The following TSGA10 variants were observed in gnomAD, a reference collection of about 807,000 sequenced individuals.
TSGA10 encodes the protein testis specific 10, also known as testis-specific gene 10 protein.
In TSGA10, 43 loss-of-function variants were observed where a neutral mutation model predicts 96.6. The observed-to-expected ratio is 0.44, with a 90% confidence interval of 0.35 to 0.57. The LOEUF is 0.57. TSGA10 is among the 20% of genes least tolerant of loss of function. The pLI, the probability that TSGA10 is intolerant of heterozygous loss-of-function variation, is 0.01. For missense variants in TSGA10, 703 were observed against 834.4 expected (o/e 0.84, Z 1.94); for synonymous variants, 229 against 269.9 (o/e 0.85, Z 1.48).
Position 99,154,850 on chromosome 2 carries a change from G to T in TSGA10, c.-778C>A. On this transcript the variant is annotated 5_prime_UTR_variant, in exon 1 of 21. Coordinates refer to ENST00000393483, the MANE Select transcript of TSGA10 (RefSeq NM_025244.4). The stretch of plus-strand genomic sequence containing the variant: ...AAGGACCCTTACTTAGCACTCCTGC[G>T]GGCTGCCGGGACCCCACGGCTCCGC... 1 of 347,762 alleles carries T rather than the reference G, an allele frequency of 2.9e-6. No homozygotes were observed. Among genetic ancestry groups the T allele is most frequent in the Admixed American group, 3.9e-5 (1 of 25,384 alleles). 21.5% of individuals were successfully genotyped at this position (347,762 alleles called of 1,614,324 possible). A position where few individuals can be genotyped will look rare whatever the true frequency, so the allele number is the denominator to read the frequency against.
At chr2:99,096,073 T>G (rs2089999990) in intron 10 of TSGA10, among the ~76,000 whole-genome samples, 1 of 152,232 alleles carries the variant, frequency 6.6e-6, no homozygotes, top group Non-Finnish European at 1.5e-5. Flanking sequence ...AATTTTTCCA[T>G]AATTTTTAAA....
intron 16 of TSGA10, among the ~76,000 whole-genome samples, chr2:99,044,360 A>G (rs1350090144): frequency 6.6e-6 from 1 of 151,684 alleles, no homozygotes; most frequent in Non-Finnish European, 1.5e-5. Flanking sequence ...GCAAAAAAAA[A>G]AAAAAAAATC....
chr2:98,998,299 G>A lies in TSGA10; in HGVS notation c.2073-78C>T, dbSNP rs1437718179. 1.2e-5 allele frequency: 14 copies of A among 1,174,030 alleles called. No homozygotes were observed. The African/African-American group carries it at 1.7e-4, about 14-fold the overall frequency. 72.7% of individuals were successfully genotyped at this position (1,174,030 alleles called of 1,614,324 possible). A position where few individuals can be genotyped will look rare whatever the true frequency, so the allele number is the denominator to read the frequency against. Reference sequence around the variant, plus strand: ...ATGTGTAACAAATTTATTCTAGTAAGTGTATCACTTCAGCAAAACGTAAGA... The same window carrying A: ...ATGTGTAACAAATTTATTCTAGTAAATGTATCACTTCAGCAAAACGTAAGA... On this transcript the variant is annotated intron_variant, in intron 20 of 20. Transcript: ENST00000393483.
At position 99,020,392 on chromosome 2, in the gene TSGA10, C is replaced by T. The variant is rs774127920; in HGVS notation, c.1705G>A (p.Ala569Thr). 6.2e-7 allele frequency: 1 copy of T among 1,613,892 alleles called. No homozygotes were observed. The highest frequency in any genetic ancestry group is 8.5e-7 in the Non-Finnish European group (1 of 1,179,868). The stretch of plus-strand genomic sequence containing the variant: ...TTGTCTCGATTGGCCACCAGCAAAG[C>T]TTCTAGATTCTGCATGGAGATTCTC... ...NERISMQNLE[A>T]LLVANRDKEY... is the part of the protein sequence containing the mutation. Residue 569 changes from alanine (A) to threonine (T), a missense_variant, in exon 18 of 21, where the codon GCT becomes ACT. By Grantham distance (58) the Ala-to-Thr change is moderately conservative. Coordinates refer to ENST00000393483, the MANE Select transcript of TSGA10 (RefSeq NM_025244.4).
At chr2:99,015,390 C>A (rs1361506055) in intron 20 of TSGA10, among the ~76,000 whole-genome samples, 1 of 152,108 alleles carries the variant, frequency 6.6e-6, no homozygotes, top group Non-Finnish European at 1.5e-5. Flanking sequence ...AAACAAAAAT[C>A]ATGTGATCAT....
At chr2:99,024,701 A>G (rs2080399131) in intron 17 of TSGA10, among the ~76,000 whole-genome samples, 1 of 152,196 alleles carries the variant, frequency 6.6e-6, no homozygotes, top group African/African-American at 2.4e-5. Flanking sequence ...AGAAAAGGCA[A>G]GGTGGGCATT....
intron 1 of TSGA10, chr2:99,147,364 T>A: frequency 9.1e-7 from 1 of 1,095,546 alleles, no homozygotes; most frequent in South Asian, 1.4e-5. Context: ...GATTGATTTA[T>A]CTCTTTATGT....
At chr2:99,030,007 T>C (rs143237017) in intron 17 of TSGA10, among the ~76,000 whole-genome samples, 1 of 152,318 alleles carries the variant, frequency 6.6e-6, no homozygotes, top group East Asian at 1.9e-4. Flanking sequence ...CTAGAACTAG[T>C]AAGTGGATTT....
chr2:99,089,503 C>A (rs1309787465), intron 10 of TSGA10, among the ~76,000 whole-genome samples: 1 of 152,142 alleles, frequency 6.6e-6, no homozygotes, highest in Admixed American at 6.5e-5. Context: ...AGGCTGGTAG[C>A]CTGGGGCAAG....
chr2:98,999,387 G>A (rs1453562), intron 20 of TSGA10, among the ~76,000 whole-genome samples: 53,287 of 151,948 alleles, frequency 0.35, 10,680 homozygotes, highest in African/African-American at 0.55. Context: ...GACAACCTGG[G>A]AAAGGCAAAA....
intron 1 of TSGA10, among the ~76,000 whole-genome samples, chr2:99,146,025 GT>G (rs1387428517): frequency 6.6e-6 from 1 of 152,136 alleles, no homozygotes; most frequent in Non-Finnish European, 1.5e-5. Context: ...GGCTCATGCT[GT>G]AATCCAAGCA....
In TSGA10 at chr2:99,149,788, T is replaced by C. The variant is rs757743496; in HGVS notation, c.-621+4905A>G. Reference sequence around the variant, plus strand: ...AGACATCCTTAATCACAAGTATCTTTTTTTTTTTTTTTTTTTTTTTTAAGA... The same window carrying C: ...AGACATCCTTAATCACAAGTATCTTCTTTTTTTTTTTTTTTTTTTTTAAGA... On this transcript the variant is annotated intron_variant, in intron 1 of 20. Transcript: ENST00000393483. 1.7e-3 allele frequency among the ~76,000 whole-genome samples: 217 copies of C among 130,466 alleles called. 18 individuals are homozygous for C. Among genetic ancestry groups the C allele is most frequent in the East Asian group, 7.9e-3 (34 of 4,284 alleles). 85.6% of individuals were successfully genotyped at this position (130,466 alleles called of 152,430 possible).
intron 16 of TSGA10, among the ~76,000 whole-genome samples, chr2:99,039,391 G>T (rs1013577520): frequency 6.6e-6 from 1 of 150,776 alleles, no homozygotes; most frequent in Non-Finnish European, 1.5e-5. Context: ...CTATTAGTGA[G>T]ATTAACCAAG....
At chr2:99,084,501 A>G (rs565894931) in intron 10 of TSGA10, among the ~76,000 whole-genome samples, 20 of 152,338 alleles carry the variant, frequency 1.3e-4, no homozygotes, top group African/African-American at 4.6e-4. Flanking sequence ...CTTTCCACCA[A>G]GATGGCAAGC....
At chr2:99,135,901 C>A (rs755348651) in intron 1 of TSGA10, among the ~76,000 whole-genome samples, 1 of 150,996 alleles carries the variant, frequency 6.6e-6, no homozygotes, top group Admixed American at 6.6e-5. Context: ...CCCAGCTACT[C>A]GAGAGGCTGA....
At chr2:99,120,711 A>G (rs991828230) in intron 2 of TSGA10, among the ~76,000 whole-genome samples, 1 of 152,182 alleles carries the variant, frequency 6.6e-6, no homozygotes. Context: ...AGTATATCAT[A>G]CCCAGATACA....
At chr2:99,119,895 T>C (rs2092481839) in intron 2 of TSGA10, among the ~76,000 whole-genome samples, 1 of 152,176 alleles carries the variant, frequency 6.6e-6, no homozygotes, top group South Asian at 2.1e-4. Flanking sequence ...AAACTTCAAG[T>C]TGTGTTTTTC....
intron 16 of TSGA10, among the ~76,000 whole-genome samples, chr2:99,052,603 T>C (rs920732467): frequency 3.3e-5 from 5 of 151,854 alleles, no homozygotes; most frequent in African/African-American, 1.2e-4. Flanking sequence ...CCGGGCGTGG[T>C]GGCAGGCGCC....
chr2:99,036,864 C>T (rs1011283183), intron 16 of TSGA10, among the ~76,000 whole-genome samples: 1 of 151,970 alleles, frequency 6.6e-6, no homozygotes, highest in Non-Finnish European at 1.5e-5. Context: ...GGAAAATTAT[C>T]AGTAATAAAG....
Sources: allele counts gnomAD v4.1 joint callset (sites outside exome capture counted in the v4.1 genomes callset), GRCh38; gene constraint gnomAD v4.1.1; transcripts MANE v1.5; gene names NCBI Gene and HGNC (gene_info 2026-07-23, HGNC 2026-07-21).